Variants in MACROD2 observed in about 807,000 individuals in gnomAD.
The protein encoded by MACROD2 is mono-ADP ribosylhydrolase 2, also known as ADP-ribose glycohydrolase MACROD2.
A neutral mutation model predicts 70.4 loss-of-function variants in MACROD2; 36 were observed. The observed-to-expected ratio is 0.51, with a 90% CI of 0.39 to 0.68. MACROD2 has a LOEUF of 0.68. MACROD2 is among the 30% of genes least tolerant of loss of function. The probability of loss-of-function intolerance (pLI) is 0.00; values close to 1 mark genes in which losing one functional copy is unlikely to be tolerated. For synonymous variants in MACROD2, 172 were observed against 178.8 expected (o/e 0.96, Z 0.30); for missense variants, 496 against 538.4 (o/e 0.92, Z 0.78).
chr20:15,612,334 T>C (rs980049275), intron 8 of MACROD2, among the ~76,000 whole-genome samples: 1 of 152,184 alleles, frequency 6.6e-6, no homozygotes, highest in Non-Finnish European at 1.5e-5. Flanking sequence ...TCTGCCTCTA[T>C]TGCGTCGACT....
chr20:15,201,766 TTTGCACA>T (rs2076658185), intron 5 of MACROD2, among the ~76,000 whole-genome samples: 1 of 152,198 alleles, frequency 6.6e-6, no homozygotes, highest in Non-Finnish European at 1.5e-5. Context: ...GATGTCTGCA[TTTGCACA>T]ATCCACAACC....
intron 3 of MACROD2, among the ~76,000 whole-genome samples, chr20:14,269,814 T>TA (rs2082175509): frequency 6.6e-6 from 1 of 151,852 alleles, no homozygotes; most frequent in East Asian, 1.9e-4. Context: ...GTTTTTTTTT[T>TA]ATCATGTTGA....
At chr20:15,738,031 C>T (rs771426502) in intron 8 of MACROD2, among the ~76,000 whole-genome samples, 5 of 151,768 alleles carry the variant, frequency 3.3e-5, no homozygotes, top group Non-Finnish European at 7.4e-5. Context: ...GACAGTAGAA[C>T]GATGGTTACC....
chr20:14,487,774 T>C (rs954849616), intron 3 of MACROD2, among the ~76,000 whole-genome samples: 2 of 152,176 alleles, frequency 1.3e-5, no homozygotes, highest in African/African-American at 4.8e-5. Context: ...TAGCCCCAAG[T>C]CCTTTTCATT....
At position 16,014,834 on chromosome 20, in the gene MACROD2, C is replaced by T. The variant is rs6074994; in HGVS notation, c.1154-26367C>T. Reference sequence around the variant, plus strand: ...ATTTTCATCCTTTGAAGTTCCTTGACTTGTGCACCTTCTCTCTGGGTTGGG... The same window carrying T: ...ATTTTCATCCTTTGAAGTTCCTTGATTTGTGCACCTTCTCTCTGGGTTGGG... On this transcript the variant is annotated intron_variant, in intron 15 of 17. Transcript: ENST00000684519. Among the ~76,000 whole-genome samples the T allele has an allele frequency of 0.014, 2,137 of 152,192 alleles. 102 individuals carry two copies. In the East Asian group the frequency reaches 0.18, roughly 13 times the overall value.
chr20:14,231,409 G>A (rs1175415358), intron 3 of MACROD2, among the ~76,000 whole-genome samples: 10 of 151,912 alleles, frequency 6.6e-5, no homozygotes, highest in African/African-American at 9.7e-5. Flanking sequence ...TTGTCCTTGC[G>A]ATAGTTTGCT....
At position 14,733,832 on chromosome 20, in the gene MACROD2, C is replaced by A. The variant is rs530995672; in HGVS notation, c.418+48873C>A. ...TTGACCTGTCAAGCTAAAATAGAACCGACTTGAGAATCCAAGGACATAGCA... is the reference window on the plus strand; with the variant it reads ...TTGACCTGTCAAGCTAAAATAGAACAGACTTGAGAATCCAAGGACATAGCA... On this transcript the variant is annotated intron_variant, in intron 5 of 17. Transcript: ENST00000684519. Among the ~76,000 whole-genome samples the A allele has an allele frequency of 2.1e-4, 32 of 152,138 alleles. No homozygotes were observed. In the East Asian group the frequency reaches 6.2e-3, roughly 29 times the overall value.
At chr20:14,277,811 G>A (rs1239741182) in intron 3 of MACROD2, among the ~76,000 whole-genome samples, 1 of 152,148 alleles carries the variant, frequency 6.6e-6, no homozygotes, top group African/African-American at 2.4e-5. Flanking sequence ...GGTAATGTCA[G>A]CCTCCTGCAA....
At chr20:15,360,900 T>G (rs1481977362) in intron 6 of MACROD2, among the ~76,000 whole-genome samples, 2 of 152,014 alleles carry the variant, frequency 1.3e-5, no homozygotes, top group Non-Finnish European at 2.9e-5. Flanking sequence ...ATTTTCTAGT[T>G]GGACCATTTG....
At chr20:14,420,701 CT>C (rs1485661036) in intron 3 of MACROD2, among the ~76,000 whole-genome samples, 1 of 152,042 alleles carries the variant, frequency 6.6e-6, no homozygotes, top group East Asian at 1.9e-4. Flanking sequence ...TGAAAATGTT[CT>C]TTTTTTGAGA....
intron 5 of MACROD2, among the ~76,000 whole-genome samples, chr20:14,762,903 A>G (rs2072035882): frequency 6.6e-6 from 1 of 152,058 alleles, no homozygotes; most frequent in African/African-American, 2.4e-5. Flanking sequence ...GCACTCCAGC[A>G]TGGGAGACAG....
chr20:14,655,380 G>A (rs1172640348), intron 4 of MACROD2, among the ~76,000 whole-genome samples: 1 of 151,474 alleles, frequency 6.6e-6, no homozygotes, highest in Non-Finnish European at 1.5e-5. Context: ...GCTTGTGTGT[G>A]TTCCTGTCTG....
At chr20:14,453,207 T>C (rs1230374776) in intron 3 of MACROD2, among the ~76,000 whole-genome samples, 1 of 152,126 alleles carries the variant, frequency 6.6e-6, no homozygotes, top group Non-Finnish European at 1.5e-5. Flanking sequence ...TGCATATGAC[T>C]TGTACTTTCA....
Position 14,980,829 on chromosome 20 carries a change from C to A in MACROD2, c.419-249111C>A, listed in dbSNP as rs964062797. Among the ~76,000 whole-genome samples, 4 of 152,258 alleles carry A rather than the reference C, an allele frequency of 2.6e-5. No individual in the cohort carries two copies. In the East Asian group the frequency reaches 7.7e-4, roughly 29 times the overall value. ...TTACCCAGGATAATCAGGTCTTCAG[C>A]AAATCATGTCTATTGTACCTCCTAA... On this transcript the variant is annotated intron_variant, in intron 5 of 17. Coordinates refer to ENST00000684519, the MANE Select transcript of MACROD2 (RefSeq NM_001351661.2).
chr20:15,784,409 C>T (rs2051885968), intron 8 of MACROD2, among the ~76,000 whole-genome samples: 1 of 152,076 alleles, frequency 6.6e-6, no homozygotes, highest in Admixed American at 6.5e-5. Context: ...CCCAACAGAC[C>T]AAGTTACACA....
chr20:16,009,640 C>T (rs2066835239), intron 15 of MACROD2, among the ~76,000 whole-genome samples: 1 of 152,026 alleles, frequency 6.6e-6, no homozygotes, highest in African/African-American at 2.4e-5. Flanking sequence ...ACCTGTAATC[C>T]CAGCTACTCG....
chr20:15,855,659 C>T (rs1382956261), intron 8 of MACROD2, among the ~76,000 whole-genome samples: 1 of 152,168 alleles, frequency 6.6e-6, no homozygotes, highest in African/African-American at 2.4e-5. Flanking sequence ...CAGGCATTTC[C>T]CTAGGTCTCT....
intron 5 of MACROD2, among the ~76,000 whole-genome samples, chr20:14,888,953 G>C (rs929454789): frequency 6.6e-6 from 1 of 152,034 alleles, no homozygotes; most frequent in African/African-American, 2.4e-5. Flanking sequence ...TGGGAGAAAA[G>C]CTATTTACCT....
At chr20:14,599,948 T>C (rs943193503) in intron 4 of MACROD2, among the ~76,000 whole-genome samples, 1 of 152,016 alleles carries the variant, frequency 6.6e-6, no homozygotes, top group Non-Finnish European at 1.5e-5. Flanking sequence ...AACAGGACTG[T>C]GAATTGAATT....
Sources: allele counts gnomAD v4.1 joint callset (sites outside exome capture counted in the v4.1 genomes callset), GRCh38; gene constraint gnomAD v4.1.1; transcripts MANE v1.5; gene names NCBI Gene and HGNC (gene_info 2026-07-23, HGNC 2026-07-21).